Variants in LTBP1 observed in about 807,000 individuals in gnomAD.
LTBP1 encodes latent-transforming growth factor beta-binding protein 1.
In LTBP1, 129 loss-of-function variants were observed where a neutral mutation model predicts 207.6. The observed-to-expected ratio is 0.62, with a 90% CI of 0.54 to 0.72. LTBP1 has a LOEUF of 0.72. LTBP1 is among the 30% of genes least tolerant of loss of function. The pLI, the probability that LTBP1 is intolerant of heterozygous loss-of-function variation, is 0.00. For synonymous variants in LTBP1, 963 were observed against 833.7 expected, an observed-to-expected ratio of 1.16 and a Z score of -2.67; for missense variants, 2,281 against 2,217.2, an observed-to-expected ratio of 1.03 and a Z score of -0.58.
At chr2:33,117,441 G>T (rs2080811982) in intron 4 of LTBP1, among the ~76,000 whole-genome samples, 2 of 152,310 alleles carry the variant, frequency 1.3e-5, no homozygotes, top group East Asian at 3.9e-4. Context: ...CTTTACGGTT[G>T]CAGTCTGATA....
At chr2:33,239,067 TAGA>T (rs2092190358) in intron 9 of LTBP1, among the ~76,000 whole-genome samples, 1 of 152,230 alleles carries the variant, frequency 6.6e-6, no homozygotes. Flanking sequence ...TTGACCATTT[TAGA>T]AGAAGAGCAG....
intron 9 of LTBP1, among the ~76,000 whole-genome samples, chr2:33,239,602 G>A (rs1393203458): frequency 6.6e-6 from 1 of 151,994 alleles, no homozygotes; most frequent in Non-Finnish European, 1.5e-5. Flanking sequence ...TAAAATATGA[G>A]ACTTGGCCGG....
At chr2:32,980,208 T>C (rs998880243) in intron 2 of LTBP1, among the ~76,000 whole-genome samples, 11 of 152,144 alleles carry the variant, frequency 7.2e-5, no homozygotes, top group African/African-American at 2.4e-4. Flanking sequence ...AATTTTGTTA[T>C]TTGTTTTCTG....
intron 9 of LTBP1, among the ~76,000 whole-genome samples, chr2:33,224,331 A>G (rs1351814389): frequency 1.3e-5 from 2 of 152,198 alleles, no homozygotes; most frequent in Admixed American, 6.5e-5. Flanking sequence ...CCAATCCTGC[A>G]TAGCTAATTG....
intron 10 of LTBP1, among the ~76,000 whole-genome samples, chr2:33,249,405 G>A (rs1013610371): frequency 4.0e-5 from 6 of 150,888 alleles, no homozygotes; most frequent in African/African-American, 1.5e-4. Flanking sequence ...ATACATTAGA[G>A]TAGTATGTCT....
chr2:33,280,557 G>A (rs535753780), intron 19 of LTBP1, among the ~76,000 whole-genome samples: 2 of 152,310 alleles, frequency 1.3e-5, no homozygotes, highest in Admixed American at 1.3e-4. Context: ...CAAAGGTAGT[G>A]CTTTAGGCAC....
intron 31 of LTBP1, among the ~76,000 whole-genome samples, chr2:33,373,631 A>G (rs572291401): frequency 2.1e-4 from 32 of 152,306 alleles, no homozygotes; most frequent in African/African-American, 7.2e-4. Flanking sequence ...TATAAATTAT[A>G]TACAGCTTGT....
At chr2:33,199,777 T>G (rs1347135621) in intron 7 of LTBP1, among the ~76,000 whole-genome samples, 1 of 151,902 alleles carries the variant, frequency 6.6e-6, no homozygotes, top group Non-Finnish European at 1.5e-5. Context: ...TTCAGCAAAG[T>G]CTCAGGATAC....
At chr2:33,391,433 G>A (rs949764134) in intron 32 of LTBP1, among the ~76,000 whole-genome samples, 17 of 152,066 alleles carry the variant, frequency 1.1e-4, no homozygotes, top group African/African-American at 3.1e-4. Context: ...GTCAGTAAAC[G>A]TTTACTTAAG....
chr2:33,201,090 T>G (rs917160241), intron 7 of LTBP1, among the ~76,000 whole-genome samples: 1 of 152,116 alleles, frequency 6.6e-6, no homozygotes, highest in African/African-American at 2.4e-5. Flanking sequence ...GGATCTAGAA[T>G]TAGAAATACC....
intron 7 of LTBP1, among the ~76,000 whole-genome samples, chr2:33,196,404 T>G (rs59558983): frequency 0.032 from 4,885 of 152,256 alleles, 295 homozygotes; most frequent in African/African-American, 0.11. Context: ...ATTTAGAGAC[T>G]TTTTAGAAAC....
chr2:33,340,279 A>AT (rs1288488014), intron 24 of LTBP1, among the ~76,000 whole-genome samples: 3 of 138,574 alleles, frequency 2.2e-5, no homozygotes, highest in Non-Finnish European at 4.7e-5. Context: ...AAAAAAAAAA[A>AT]AGTGCTCCGT....
chr2:33,216,759 C>A (rs993756285), intron 7 of LTBP1, among the ~76,000 whole-genome samples: 1 of 152,186 alleles, frequency 6.6e-6, no homozygotes, highest in Non-Finnish European at 1.5e-5. Context: ...AGAGCAGGAT[C>A]TGTTTTCTTA....
chr2:33,383,930 C>A (rs577743145), intron 31 of LTBP1, among the ~76,000 whole-genome samples: 1 of 152,312 alleles, frequency 6.6e-6, no homozygotes, highest in African/African-American at 2.4e-5. Flanking sequence ...GCATTTTTAG[C>A]CCTGATGTGT....
intron 3 of LTBP1, among the ~76,000 whole-genome samples, chr2:33,098,538 T>G (rs2079523443): frequency 6.6e-6 from 1 of 152,104 alleles, no homozygotes. Flanking sequence ...GTTCTAGTGA[T>G]TCCCCTGCCT....
intron 2 of LTBP1, among the ~76,000 whole-genome samples, chr2:32,968,960 G>A (rs1680416015): frequency 7.0e-6 from 1 of 142,358 alleles, no homozygotes; most frequent in African/African-American, 2.6e-5. Flanking sequence ...CTGTCACCCA[G>A]GCTGGAGTGC....
rs76304148 is a variant in LTBP1 at position 33,371,488 on chromosome 2, T to C, written c.4711+5985T>C. ...AACCAAGTCAGGAAAAACGAGCCATTGTATCCATTTCATAAATGAAGACAG... is the reference window on the plus strand; with the variant it reads ...AACCAAGTCAGGAAAAACGAGCCATCGTATCCATTTCATAAATGAAGACAG... On this transcript the variant is annotated intron_variant, in intron 31 of 33. Coordinates refer to ENST00000404816, the MANE Select transcript of LTBP1 (RefSeq NM_206943.4). Among the ~76,000 whole-genome samples the C allele has an allele frequency of 2.4e-3, 363 of 152,330 alleles. 2 individuals are homozygous for C. The highest frequency in any genetic ancestry group is 8.4e-3 in the African/African-American group (348 of 41,580).
chr2:33,335,686 T>C (rs2094546666), intron 24 of LTBP1, among the ~76,000 whole-genome samples: 3 of 152,296 alleles, frequency 2.0e-5, no homozygotes, highest in Admixed American at 2.0e-4. Context: ...CCAGCAGCCA[T>C]GCCATTTTAA....
intron 3 of LTBP1, among the ~76,000 whole-genome samples, chr2:33,028,882 C>G (rs1573183230): frequency 1.3e-5 from 2 of 152,116 alleles, no homozygotes; most frequent in African/African-American, 4.8e-5. Context: ...CGGCAAAGCC[C>G]AGGCAGCCAG....
Sources: allele counts gnomAD v4.1 joint callset (sites outside exome capture counted in the v4.1 genomes callset), GRCh38; gene constraint gnomAD v4.1.1; transcripts MANE v1.5; gene names NCBI Gene and HGNC (gene_info 2026-07-23, HGNC 2026-07-21).